C13orf42: variants seen among roughly 807,000 people sequenced by gnomAD.
The protein encoded by C13orf42 is uncharacterized protein C13orf42.
At chr13:51,103,907 G>A (rs1002454076) in intron 1 of C13orf42, among the ~76,000 whole-genome samples, 1 of 152,154 alleles carries the variant, frequency 6.6e-6, no homozygotes, top group Admixed American at 6.5e-5. Flanking sequence ...GTTCGTGTTC[G>A]ATGGGTGCAG....
chr13:51,118,097 C>G (rs1359103447), intron 1 of C13orf42, among the ~76,000 whole-genome samples: 1 of 152,190 alleles, frequency 6.6e-6, no homozygotes, highest in Non-Finnish European at 1.5e-5. Flanking sequence ...GTGGCATGAT[C>G]TTGTGTCCAG....
Position 51,162,015 on chromosome 13 carries a change from G to A in C13orf42, n.136+10238C>T, listed in dbSNP as rs1265814587. 1.3e-5 allele frequency: 5 copies of A among 397,208 alleles called. No homozygotes were observed. In the East Asian group the frequency reaches 3.3e-4, roughly 26 times the overall value. 24.6% of individuals were successfully genotyped at this position (397,208 alleles called of 1,614,324 possible). A position where few individuals can be genotyped will look rare whatever the true frequency, so the allele number is the denominator to read the frequency against. On this transcript the variant is annotated intron_variant and non_coding_transcript_variant, in intron 1 of 4. Transcript: ENST00000433280. ...TTGTCCATGCCAAACCTACTGAGAA[G>A]CCTGCATGCCAGCAGCAGGCCAGTA... is the stretch of plus-strand genomic sequence containing the variant.
chr13:51,151,025 A>T (rs140044747), intron 1 of C13orf42, among the ~76,000 whole-genome samples: 1 of 152,356 alleles, frequency 6.6e-6, no homozygotes, highest in Non-Finnish European at 1.5e-5. Context: ...GCATAAGGCC[A>T]ATCACAGGCA....
At chr13:51,090,788 G>A (rs545308676) in intron 1 of C13orf42, among the ~76,000 whole-genome samples, 81 of 152,236 alleles carry the variant, frequency 5.3e-4, no homozygotes, top group African/African-American at 1.9e-3. Context: ...AAAGCATCCG[G>A]CCATTGGCTA....
At chr13:51,129,919 T>C (rs1953603666) in intron 1 of C13orf42, among the ~76,000 whole-genome samples, 1 of 152,226 alleles carries the variant, frequency 6.6e-6, no homozygotes, top group Non-Finnish European at 1.5e-5. Flanking sequence ...TCCTGTCTTC[T>C]ATGTCCTTGG....
intron 1 of C13orf42, among the ~76,000 whole-genome samples, chr13:51,155,863 G>A (rs1278188387): frequency 1.3e-5 from 2 of 152,148 alleles, no homozygotes; most frequent in Admixed American, 6.5e-5. Flanking sequence ...CTGTCACCAC[G>A]TGGTCAGGGA....
At chr13:51,154,058 C>T (rs1043388758) in intron 1 of C13orf42, among the ~76,000 whole-genome samples, 2 of 152,146 alleles carry the variant, frequency 1.3e-5, no homozygotes, top group African/African-American at 4.8e-5. Flanking sequence ...AATTTGACAA[C>T]TCCGGTACGT....
At chr13:51,112,787 C>T (rs1007722715), upstream of C13orf42, among the ~76,000 whole-genome samples, 2 of 152,198 alleles carry the variant, frequency 1.3e-5, no homozygotes, top group African/African-American at 4.8e-5. Context: ...CAGGCGAGTG[C>T]AGAACCAGTC....
chr13:51,103,700 C>CA (rs1241370577), intron 1 of C13orf42, among the ~76,000 whole-genome samples: 19 of 151,322 alleles, frequency 1.3e-4, no homozygotes, highest in Admixed American at 1.3e-4. Flanking sequence ...GACTCTGTCT[C>CA]AAAAAAAAGA....
At position 51,153,621 on chromosome 13, in the gene C13orf42, G is replaced by GTTTTTTTTTTTTTTT. The variant is rs1202370498; in HGVS notation, n.136+18631_136+18632insAAAAAAAAAAAAAAA. On this transcript the variant is annotated intron_variant and non_coding_transcript_variant, in intron 1 of 4. Transcript: ENST00000433280. The stretch of plus-strand genomic sequence containing the variant: ...TTATCAACCCATTTTCTTGCTTTCT[G>GTTTTTTTTTTTTTTT]TTTTTTTTCTTTTTTTTTTTTTTTT... 1.5e-3 allele frequency among the ~76,000 whole-genome samples: 119 copies of GTTTTTTTTTTTTTTT among 82,000 alleles called. 9 individuals are homozygous for GTTTTTTTTTTTTTTT. The highest frequency in any genetic ancestry group is 3.4e-3 in the East Asian group (10 of 2,946). 53.8% of individuals were successfully genotyped at this position (82,000 alleles called of 152,430 possible).
intron 1 of C13orf42, among the ~76,000 whole-genome samples, chr13:51,104,129 G>C (rs2137994368): frequency 6.6e-6 from 1 of 152,330 alleles, no homozygotes; most frequent in Admixed American, 6.5e-5. Flanking sequence ...GAGGTACTTT[G>C]AGAGGGTCCA....
At chr13:51,143,811 C>T (rs1391135791) in intron 1 of C13orf42, among the ~76,000 whole-genome samples, 1 of 152,026 alleles carries the variant, frequency 6.6e-6, no homozygotes, top group Non-Finnish European at 1.5e-5. Context: ...CATAATGTGG[C>T]TTATTTGGTA....
upstream of C13orf42, among the ~76,000 whole-genome samples, chr13:51,114,826 T>C (rs1953474304): frequency 6.6e-6 from 1 of 152,144 alleles, no homozygotes. Flanking sequence ...ACATGAGGAG[T>C]ACATCAAATA....
rs949647634 is a variant in C13orf42, at chr13:51,082,532, A to T, written c.*1619T>A. On this transcript the variant is annotated 3_prime_UTR_variant, in exon 4 of 4. Transcript: ENST00000563710. ...TAGTTTGATAAGAGGCAGAGTAAAG[A>T]CACCTTTATCCTGAGTTTATCCCCA... 2.0e-5 allele frequency: 3 copies of T among 152,212 alleles called. No homozygotes were observed. The highest frequency in any genetic ancestry group is 7.2e-5 in the African/African-American group (3 of 41,452). The allele number at this position is 152,212 out of a possible 1,614,324, so 9.4% of individuals were successfully genotyped here. A position where few individuals can be genotyped will look rare whatever the true frequency, so the allele number is the denominator to read the frequency against.
chr13:51,137,679 A>G (rs1032764325), intron 1 of C13orf42, among the ~76,000 whole-genome samples: 30 of 151,654 alleles, frequency 2.0e-4, no homozygotes, highest in Admixed American at 1.3e-4. Context: ...TCTTTCTTTC[A>G]TATTAGCATT....
At chr13:51,101,981 A>G (rs890119421) in intron 1 of C13orf42, among the ~76,000 whole-genome samples, 1 of 152,222 alleles carries the variant, frequency 6.6e-6, no homozygotes, top group Non-Finnish European at 1.5e-5. Flanking sequence ...GATTAGGAAT[A>G]TAATTACACA....
intron 1 of C13orf42, among the ~76,000 whole-genome samples, chr13:51,136,086 C>T (rs535042611): frequency 9.2e-5 from 14 of 152,266 alleles, no homozygotes; most frequent in African/African-American, 3.1e-4. Flanking sequence ...CCCACTTCCC[C>T]TTGCCCACCC....
chr13:51,100,040 C>G (rs141273035), intron 1 of C13orf42, among the ~76,000 whole-genome samples: 1 of 152,218 alleles, frequency 6.6e-6, no homozygotes, highest in Non-Finnish European at 1.5e-5. Flanking sequence ...GGAATGTACA[C>G]TTTTATATAC....
chr13:51,086,473 AGAGT>A (rs765003442), intron 2 of C13orf42, among the ~76,000 whole-genome samples: 2 of 151,562 alleles, frequency 1.3e-5, no homozygotes, highest in African/African-American at 2.4e-5. Context: ...TGTGTATGTG[AGAGT>A]GTGTGTGTGT....
Sources: allele counts gnomAD v4.1 joint callset (sites outside exome capture counted in the v4.1 genomes callset), GRCh38; gene constraint gnomAD v4.1.1; transcripts MANE v1.5; gene names NCBI Gene and HGNC (gene_info 2026-07-23, HGNC 2026-07-21).